Variants in HOMER1 observed in about 807,000 individuals in gnomAD.
HOMER1 encodes homer scaffold protein 1.
A neutral mutation model predicts 48.9 loss-of-function variants in HOMER1; 3 were observed. The observed-to-expected ratio is 0.06, with a 90% CI of 0.03 to 0.16. The LOEUF (loss-of-function observed/expected upper bound fraction) is 0.16, where lower values mean the gene tolerates loss of function less well. Ranked by LOEUF, HOMER1 falls within the 10% of genes least tolerant of loss-of-function variation. The pLI, the probability that HOMER1 is intolerant of heterozygous loss-of-function variation, is 1.00. For missense variants in HOMER1, 247 were observed against 411.4 expected (o/e 0.60, Z 3.46); for synonymous variants, 134 against 146.4 (o/e 0.92, Z 0.61).
intron 1 of HOMER1, among the ~76,000 whole-genome samples, chr5:79,506,647 G>A (rs1334276912): frequency 6.6e-6 from 1 of 152,084 alleles, no homozygotes; most frequent in Non-Finnish European, 1.5e-5. Flanking sequence ...GACGAGCCTG[G>A]GCAACATGAT....
intron 5 of HOMER1, among the ~76,000 whole-genome samples, chr5:79,430,325 C>T (rs1014902341): frequency 6.6e-6 from 1 of 152,096 alleles, no homozygotes; most frequent in African/African-American, 2.4e-5. Flanking sequence ...CAATGAGATA[C>T]CACTTCACAC....
At chr5:79,440,713 C>T (rs1299664443) in intron 4 of HOMER1, among the ~76,000 whole-genome samples, 1 of 152,124 alleles carries the variant, frequency 6.6e-6, no homozygotes, top group African/African-American at 2.4e-5. Context: ...TTTAACCAGC[C>T]AGTAAGATAT....
Position 79,391,675 on chromosome 5 carries a change from G to A in HOMER1, c.876+5148C>T, listed in dbSNP as rs181087495. Among the ~76,000 whole-genome samples the A allele has an allele frequency of 3.0e-4, 45 of 151,746 alleles. No individual in the cohort carries two copies. In the East Asian group the frequency reaches 8.4e-3, roughly 28 times the overall value. On this transcript the variant is annotated intron_variant, in intron 8 of 8. Transcript: ENST00000334082. Reference sequence around the variant, plus strand: ...GCAGAATAGCTTGAACCTGGGAGGCGGAGGTTACAGTGAGCTGAGATCGCG... The same window carrying A: ...GCAGAATAGCTTGAACCTGGGAGGCAGAGGTTACAGTGAGCTGAGATCGCG...
chr5:79,414,058 GATGTTTAC>G (rs1580433922), intron 5 of HOMER1, among the ~76,000 whole-genome samples: 2 of 152,038 alleles, frequency 1.3e-5, no homozygotes, highest in East Asian at 3.9e-4. Flanking sequence ...CCTCTCATCA[GATGTTTAC>G]ATTGTTCTGT....
intron 1 of HOMER1, among the ~76,000 whole-genome samples, chr5:79,500,963 G>GACAGACACACACACACACAC: frequency 9.8e-6 from 1 of 101,686 alleles, no homozygotes; most frequent in African/African-American, 3.3e-5. Context: ...GAGACAGACA[G>GACAGACACACACACACACAC]ACACACACAC....
chr5:79,425,796 C>T (rs527728317), intron 5 of HOMER1, among the ~76,000 whole-genome samples: 1 of 151,788 alleles, frequency 6.6e-6, no homozygotes, highest in African/African-American at 2.4e-5. Context: ...TCTATTATTT[C>T]GTAGAGCCAA....
chr5:79,466,443 A>G (rs956578715), intron 1 of HOMER1, among the ~76,000 whole-genome samples: 1 of 151,964 alleles, frequency 6.6e-6, no homozygotes, highest in Non-Finnish European at 1.5e-5. Flanking sequence ...GGCTGCAGTG[A>G]GCTGAGATCG....
intron 8 of HOMER1, among the ~76,000 whole-genome samples, chr5:79,382,310 C>G (rs1749003477): frequency 6.6e-6 from 1 of 152,120 alleles, no homozygotes; most frequent in Non-Finnish European, 1.5e-5. Context: ...ACAGGAAGCT[C>G]TGAGATCCCC....
At chr5:79,477,741 T>A (rs1003944529) in intron 1 of HOMER1, among the ~76,000 whole-genome samples, 1 of 152,174 alleles carries the variant, frequency 6.6e-6, no homozygotes, top group Non-Finnish European at 1.5e-5. Context: ...CATGGATGCT[T>A]CAGCACAACC....
At chr5:79,384,901 A>T (rs896297368) in intron 8 of HOMER1, among the ~76,000 whole-genome samples, 2 of 152,140 alleles carry the variant, frequency 1.3e-5, no homozygotes, top group African/African-American at 4.8e-5. Flanking sequence ...AAATATGATC[A>T]TCAATAGATG....
intron 1 of HOMER1, among the ~76,000 whole-genome samples, chr5:79,500,959 G>GACAGAC (rs1280798712): frequency 1.5e-5 from 2 of 129,950 alleles, no homozygotes; most frequent in African/African-American, 6.9e-5. Context: ...GTGTGAGACA[G>GACAGAC]ACAGACACAC....
At position 79,375,997 on chromosome 5, in the gene HOMER1, A is replaced by C; in HGVS notation, c.*12T>G. 1 of 1,587,854 alleles carries C rather than the reference A, an allele frequency of 6.3e-7. No homozygotes were observed. Among genetic ancestry groups the C allele is most frequent in the East Asian group, 2.2e-5 (1 of 44,494 alleles). On this transcript the variant is annotated 3_prime_UTR_variant, in exon 9 of 9. Transcript: ENST00000334082. ...TATCTTTTAATTAATTGGCACTGAAATTTCACTTTCCTTAGCTGCATTCTA... is the reference window on the plus strand; with the variant it reads ...TATCTTTTAATTAATTGGCACTGAACTTTCACTTTCCTTAGCTGCATTCTA...
At chr5:79,483,830 G>A (rs553853434) in intron 1 of HOMER1, among the ~76,000 whole-genome samples, 5 of 151,414 alleles carry the variant, frequency 3.3e-5, no homozygotes, top group African/African-American at 4.8e-5. Flanking sequence ...CGAGGTGGGT[G>A]GATCACCTGA....
intron 1 of HOMER1, among the ~76,000 whole-genome samples, chr5:79,461,457 C>A (rs1256530057): frequency 6.6e-6 from 1 of 152,182 alleles, no homozygotes; most frequent in Non-Finnish European, 1.5e-5. Flanking sequence ...GAACAACAGT[C>A]TGAGAAATGA....
chr5:79,462,384 G>GT (rs1335552786), intron 1 of HOMER1, among the ~76,000 whole-genome samples: 2 of 152,296 alleles, frequency 1.3e-5, no homozygotes, highest in East Asian at 3.9e-4. Flanking sequence ...GGAAATTGGT[G>GT]TAACAATAAT....
At chr5:79,389,595 C>T (rs1280116326) in intron 8 of HOMER1, among the ~76,000 whole-genome samples, 1 of 152,146 alleles carries the variant, frequency 6.6e-6, no homozygotes, top group African/African-American at 2.4e-5. Flanking sequence ...TCCATCTTCC[C>T]CGATGTGAGG....
intron 5 of HOMER1, among the ~76,000 whole-genome samples, chr5:79,431,432 T>G (rs953013303): frequency 2.0e-5 from 3 of 152,018 alleles, no homozygotes; most frequent in Non-Finnish European, 2.9e-5. Context: ...AGACAGAAAG[T>G]TGATTAGTGG....
chr5:79,474,471 CT>C (rs1398816075), intron 1 of HOMER1, among the ~76,000 whole-genome samples: 2 of 152,032 alleles, frequency 1.3e-5, no homozygotes, highest in African/African-American at 2.4e-5. Context: ...ATTTAAAGTT[CT>C]CCCTTGAATT....
chr5:79,508,106 T>C (rs143870945), intron 1 of HOMER1, among the ~76,000 whole-genome samples: 4 of 152,298 alleles, frequency 2.6e-5, no homozygotes, highest in South Asian at 2.1e-4. Flanking sequence ...CAAAACCAAA[T>C]TGTAAATGAT....
Sources: gnomAD v4.1 joint callset for allele counts (sites outside exome capture counted in the v4.1 genomes callset) on GRCh38, gnomAD v4.1.1 for gene constraint, MANE v1.5 for transcripts, NCBI Gene and HGNC (gene_info 2026-07-23, HGNC 2026-07-21) for gene names.